The following CLN8 variants were observed in gnomAD, a reference collection of about 807,000 sequenced individuals.
The protein encoded by CLN8 is protein CLN8.
A neutral mutation model predicts 15.7 loss-of-function variants in CLN8; 14 were observed. The ratio of observed to expected loss-of-function variants is 0.89; its 90% confidence interval spans 0.59 to 1.39. The LOEUF is 1.39. Among genes scored for constraint, CLN8 ranks in the 40% most tolerant of loss-of-function variants. The probability of loss-of-function intolerance (pLI) is 0.00; values close to 1 mark genes in which losing one functional copy is unlikely to be tolerated. For missense variants in CLN8, 415 were observed against 364.0 expected (o/e 1.14, Z -1.14); for synonymous variants, 188 against 151.0 (o/e 1.25, Z -1.80).
intron 1 of CLN8, among the ~76,000 whole-genome samples, chr8:1,767,088 C>G (rs1585131132): frequency 1.3e-5 from 2 of 152,196 alleles, no homozygotes; most frequent in African/African-American, 4.8e-5. Context: ...TGGCCTTCTA[C>G]CCTCATGGCT....
At chr8:1,779,913 A>G (rs1801655525) in intron 2 of CLN8, 3 of 977,294 alleles carry the variant, frequency 3.1e-6, no homozygotes, top group Non-Finnish European at 3.6e-6. Context: ...TTTACTTAAT[A>G]TGAGAAAATT....
At chr8:1,769,750 A>G (rs1225436795) in intron 1 of CLN8, among the ~76,000 whole-genome samples, 2 of 152,208 alleles carry the variant, frequency 1.3e-5, no homozygotes, top group African/African-American at 4.8e-5. Context: ...GCTTAGGTAA[A>G]GTGGACCCTT....
At chr8:1,755,474 C>A (rs565883386), upstream of CLN8, among the ~76,000 whole-genome samples, 1 of 152,168 alleles carries the variant, frequency 6.6e-6, no homozygotes. Flanking sequence ...GAAGCCTCTG[C>A]CCACAAGATA....
upstream of CLN8, chr8:1,758,864 G>A (rs1341411875): frequency 6.6e-6 from 1 of 152,188 alleles, no homozygotes; most frequent in Non-Finnish European, 1.5e-5. Context: ...ACCTAAAAGA[G>A]GTGCCAGACT....
Position 1,780,789 on chromosome 8 carries a change from C to T in CLN8, c.*222C>T, listed in dbSNP as rs904987745. 15 of 595,014 alleles carry T rather than the reference C, an allele frequency of 2.5e-5. No individual in the cohort carries two copies. The highest frequency in any genetic ancestry group is 3.8e-5 in the Non-Finnish European group (13 of 338,402). The allele number at this position is 595,014 out of a possible 1,614,324, so 36.9% of individuals were successfully genotyped here. On this transcript the variant is annotated 3_prime_UTR_variant, in exon 3 of 3. Transcript: ENST00000331222. The stretch of plus-strand genomic sequence containing the variant: ...TGTCTGGCAGGCTCTGTCAGTTTAG[C>T]CGCGCCGGACCGTGTCAAGCATCTA...
chr8:1,774,860 G>A (rs1052774715), intron 2 of CLN8, among the ~76,000 whole-genome samples: 2 of 152,134 alleles, frequency 1.3e-5, no homozygotes, highest in South Asian at 2.1e-4. Context: ...AGTGGCACAC[G>A]TCTGTAGTAC....
upstream of CLN8, among the ~76,000 whole-genome samples, chr8:1,754,607 A>C (rs1287551527): frequency 1.3e-5 from 2 of 152,178 alleles, no homozygotes; most frequent in East Asian, 3.9e-4. Context: ...TTCTTCTCCA[A>C]AACACTTCAG....
At position 1,780,847 on chromosome 8, in the gene CLN8, C is replaced by T. The variant is rs1801694727; in HGVS notation, c.*280C>T. The T allele has an allele frequency of 7.7e-6, 4 of 517,662 alleles. No individual in the cohort carries two copies. The highest frequency in any genetic ancestry group is 6.6e-5 in the East Asian group (2 of 30,386). 32.1% of individuals were successfully genotyped at this position (517,662 alleles called of 1,614,324 possible). A position where few individuals can be genotyped will look rare whatever the true frequency, so the allele number is the denominator to read the frequency against. On this transcript the variant is annotated 3_prime_UTR_variant, in exon 3 of 3. Coordinates refer to ENST00000331222, the MANE Select transcript of CLN8 (RefSeq NM_018941.4). ...AGTCCATGGTGTCCAGGCATCGGGG[C>T]GTCACACCTGTTGAGGAGTGGGGTG...
chr8:1,765,816 C>T (rs1801029060), intron 1 of CLN8, among the ~76,000 whole-genome samples: 1 of 152,160 alleles, frequency 6.6e-6, no homozygotes, highest in African/African-American at 2.4e-5. Context: ...AATGCGTGAC[C>T]CACAATCAGT....
intron 2 of CLN8, chr8:1,773,095 C>T (rs1201325815): frequency 2.5e-6 from 1 of 394,820 alleles, no homozygotes; most frequent in African/African-American, 2.1e-5. Context: ...TGTGCTGGCA[C>T]CTGGGAACTC....
At position 1,771,136 on chromosome 8, in the gene CLN8, A is replaced by T. The variant is rs1801283582; in HGVS notation, c.82A>T (p.Met28Leu). ...ATCCTGGGGGATCCGCTCCACGCTG[A>T]TGGTCGCTGGCTTTGTCTTCTACTT... ...YASWGIRSTL[M>L]VAGFVFYLGV... The change falls in exon 2 of 3, where the codon ATG (methionine) becomes TTG (leucine). Residue 28 changes from methionine (M) to leucine (L), a missense_variant. By Grantham distance (15) the Met-to-Leu change is conservative. Coordinates refer to ENST00000331222, the MANE Select transcript of CLN8 (RefSeq NM_018941.4). 1 of 1,613,860 alleles carries T rather than the reference A, an allele frequency of 6.2e-7. No individual in the cohort carries two copies. Among genetic ancestry groups the T allele is most frequent in the Non-Finnish European group, 8.5e-7 (1 of 1,179,994 alleles).
chr8:1,760,994 A>AT (rs1800782315), upstream of CLN8, among the ~76,000 whole-genome samples: 1 of 149,972 alleles, frequency 6.7e-6, no homozygotes, highest in South Asian at 2.1e-4. Flanking sequence ...AACTACATCT[A>AT]AGCATGACTA....
chr8:1,769,273 G>T (rs770631897), intron 1 of CLN8, among the ~76,000 whole-genome samples: 1 of 152,208 alleles, frequency 6.6e-6, no homozygotes, highest in Non-Finnish European at 1.5e-5. Flanking sequence ...GCATGCTTGT[G>T]TGAGCTAGTG....
upstream of CLN8, among the ~76,000 whole-genome samples, chr8:1,755,627 G>A (rs1363187752): frequency 6.6e-6 from 1 of 152,206 alleles, no homozygotes; most frequent in Non-Finnish European, 1.5e-5. Flanking sequence ...CCAGAGGGCT[G>A]GGGGTTGGAC....
At chr8:1,767,089 C>T (rs1801093395) in intron 1 of CLN8, among the ~76,000 whole-genome samples, 1 of 152,186 alleles carries the variant, frequency 6.6e-6, no homozygotes, top group African/African-American at 2.4e-5. Flanking sequence ...GGCCTTCTAC[C>T]CTCATGGCTG....
chr8:1,777,059 C>T (rs992914757), intron 2 of CLN8, among the ~76,000 whole-genome samples: 2 of 152,124 alleles, frequency 1.3e-5, no homozygotes, highest in East Asian at 1.9e-4. Flanking sequence ...ATTTTGTCAT[C>T]GAGTGGCCGT....
Position 1,771,031 on chromosome 8 carries a change from T to C in CLN8, c.-24T>C. The C allele has an allele frequency of 6.2e-7, 1 of 1,613,566 alleles. No homozygotes were observed. The highest frequency in any genetic ancestry group is 1.1e-5 in the South Asian group (1 of 91,080). ...GCCCGGCCCGTGTTGGCCCCAGGAC[T>C]CCTTTGGAATATAGCTGTGGACAAT... On this transcript the variant is annotated 5_prime_UTR_variant, in exon 2 of 3. Coordinates refer to ENST00000331222, the MANE Select transcript of CLN8 (RefSeq NM_018941.4).
chr8:1,765,702 A>G (rs1801023943), intron 1 of CLN8, among the ~76,000 whole-genome samples: 1 of 152,258 alleles, frequency 6.6e-6, no homozygotes, highest in Admixed American at 6.5e-5. Flanking sequence ...AGATTGCCAG[A>G]TTAGATAATA....
chr8:1,761,377 T>C (rs976822072), upstream of CLN8, among the ~76,000 whole-genome samples: 1 of 152,070 alleles, frequency 6.6e-6, no homozygotes, highest in Admixed American at 6.6e-5. Context: ...CAGGCTGGAG[T>C]GCAGTGGTGC....
Sources: allele counts gnomAD v4.1 joint callset (sites outside exome capture counted in the v4.1 genomes callset), GRCh38; gene constraint gnomAD v4.1.1; transcripts MANE v1.5; gene names NCBI Gene and HGNC (gene_info 2026-07-23, HGNC 2026-07-21).